Variants in DLG2 observed in about 807,000 individuals in gnomAD.
The protein encoded by DLG2 is disks large homolog 2.
Under a neutral mutation model 132.5 loss-of-function variants are expected in DLG2, and 45 were observed. The observed-to-expected ratio is 0.34, with a 90% CI of 0.27 to 0.44. The LOEUF (loss-of-function observed/expected upper bound fraction) is 0.44. DLG2 is among the 20% of genes least tolerant of loss of function. The pLI is 1.00. For synonymous variants in DLG2, 424 were observed against 419.6 expected (o/e 1.01, Z -0.13); for missense variants, 1,045 against 1,196.9 (o/e 0.87, Z 1.87).
chr11:83,709,025 G>A (rs562266655), intron 18 of DLG2, among the ~76,000 whole-genome samples: 1 of 152,212 alleles, frequency 6.6e-6, no homozygotes, highest in South Asian at 2.1e-4. Flanking sequence ...AGGGGAACAA[G>A]CAGAGTCCAC....
chr11:85,035,737 G>A (rs1298940164), intron 6 of DLG2, among the ~76,000 whole-genome samples: 1 of 152,124 alleles, frequency 6.6e-6, no homozygotes, highest in African/African-American at 2.4e-5. Context: ...GTGAAGACCT[G>A]CAAATCCCAA....
chr11:84,550,154 A>G (rs910175152), intron 6 of DLG2, among the ~76,000 whole-genome samples: 2 of 151,984 alleles, frequency 1.3e-5, no homozygotes, highest in Non-Finnish European at 2.9e-5. Context: ...ACACACATAC[A>G]CACACATGCA....
chr11:84,572,267 C>G (rs1284169911), intron 6 of DLG2, among the ~76,000 whole-genome samples: 5 of 152,096 alleles, frequency 3.3e-5, no homozygotes, highest in Admixed American at 3.3e-4. Flanking sequence ...CTTTATAGTA[C>G]TTTCTATTAA....
At chr11:84,164,259 G>A (rs2095612583) in intron 8 of DLG2, among the ~76,000 whole-genome samples, 1 of 152,152 alleles carries the variant, frequency 6.6e-6, no homozygotes, top group Non-Finnish European at 1.5e-5. Context: ...TGAAAAGTTG[G>A]TTTAAAATAA....
At chr11:83,804,196 T>C (rs1272740953) in intron 17 of DLG2, among the ~76,000 whole-genome samples, 1 of 152,106 alleles carries the variant, frequency 6.6e-6, no homozygotes, top group East Asian at 1.9e-4. Context: ...CAGTCAAATC[T>C]TTTTGGGAAG....
At chr11:84,149,991 C>G (rs1386168101) in intron 9 of DLG2, among the ~76,000 whole-genome samples, 1 of 152,080 alleles carries the variant, frequency 6.6e-6, no homozygotes, top group African/African-American at 2.4e-5. Flanking sequence ...CTCCTAACCT[C>G]GTGATCCACC....
At chr11:85,381,378 C>T (rs974691301) in intron 3 of DLG2, among the ~76,000 whole-genome samples, 5 of 152,174 alleles carry the variant, frequency 3.3e-5, no homozygotes, top group African/African-American at 1.2e-4. Flanking sequence ...CTATGAAAAA[C>T]TCACAGCTAA....
intron 6 of DLG2, among the ~76,000 whole-genome samples, chr11:84,735,825 A>G (rs944497613): frequency 6.6e-6 from 1 of 151,954 alleles, no homozygotes; most frequent in Non-Finnish European, 1.5e-5. Context: ...TATATTAGAT[A>G]TATGTTGCAT....
At chr11:84,928,994 A>C (rs1466054995) in intron 6 of DLG2, among the ~76,000 whole-genome samples, 1 of 116,380 alleles carries the variant, frequency 8.6e-6, no homozygotes, top group Non-Finnish European at 1.8e-5. Flanking sequence ...ATATATATAT[A>C]TATATATATA....
At chr11:83,672,376 C>T (rs2076980561) in intron 18 of DLG2, among the ~76,000 whole-genome samples, 1 of 152,042 alleles carries the variant, frequency 6.6e-6, no homozygotes. Context: ...AGGGTTTCTC[C>T]ATGTTGGTCA....
At chr11:83,488,470 A>C (rs192029438) in intron 21 of DLG2, among the ~76,000 whole-genome samples, 33 of 152,112 alleles carry the variant, frequency 2.2e-4, no homozygotes, top group Admixed American at 2.0e-3. Context: ...AAGGAAACAA[A>C]ACAAAAAACT....
At chr11:84,385,002 A>G (rs972127988) in intron 7 of DLG2, among the ~76,000 whole-genome samples, 1 of 152,108 alleles carries the variant, frequency 6.6e-6, no homozygotes, top group African/African-American at 2.4e-5. Context: ...GCTCTTGAAA[A>G]AGGAGATGAC....
intron 18 of DLG2, among the ~76,000 whole-genome samples, chr11:83,713,051 C>T (rs11233729): frequency 0.11 from 15,998 of 151,832 alleles, 1,435 homozygotes; most frequent in African/African-American, 0.23. Flanking sequence ...TGAGAATATA[C>T]AAAAAGGAAA....
intron 3 of DLG2, among the ~76,000 whole-genome samples, chr11:85,553,760 G>C (rs966538812): frequency 2.6e-5 from 4 of 151,106 alleles, no homozygotes; most frequent in African/African-American, 9.7e-5. Context: ...TAAGTTTACA[G>C]AATATAAATC....
At chr11:85,122,790 C>T (rs118112578) in intron 5 of DLG2, among the ~76,000 whole-genome samples, 2,914 of 150,324 alleles carry the variant, frequency 0.019, 50 homozygotes, top group Admixed American at 0.041. Flanking sequence ...AGGATTATAA[C>T]GAGAGTTGCA....
chr11:84,913,293 T>C (rs539483091), intron 6 of DLG2, among the ~76,000 whole-genome samples: 1 of 152,326 alleles, frequency 6.6e-6, no homozygotes, highest in Non-Finnish European at 1.5e-5. Context: ...AACTTTTGCA[T>C]GAAGTATGTA....
chr11:84,291,352 C>T (rs557555750), intron 7 of DLG2, among the ~76,000 whole-genome samples: 1 of 152,192 alleles, frequency 6.6e-6, no homozygotes, highest in African/African-American at 2.4e-5. Context: ...GGGCAATGCG[C>T]AAATCCTAAC....
intron 15 of DLG2, among the ~76,000 whole-genome samples, chr11:83,881,402 T>C (rs990552152): frequency 3.9e-5 from 6 of 152,230 alleles, no homozygotes; most frequent in Non-Finnish European, 8.8e-5. Flanking sequence ...GATTTTAAGT[T>C]TGTTAAGCTA....
At chr11:85,391,053 GA>G (rs1359292897) in intron 3 of DLG2, among the ~76,000 whole-genome samples, 2 of 151,906 alleles carry the variant, frequency 1.3e-5, no homozygotes, top group Non-Finnish European at 2.9e-5. Flanking sequence ...GATTAACAAA[GA>G]AAAGAAGAGA....
Sources: allele counts gnomAD v4.1 joint callset (sites outside exome capture counted in the v4.1 genomes callset), GRCh38; gene constraint gnomAD v4.1.1; transcripts MANE v1.5; gene names NCBI Gene and HGNC (gene_info 2026-07-23, HGNC 2026-07-21).